The following PRRC2C variants were observed in gnomAD, a reference collection of about 807,000 sequenced individuals.
PRRC2C encodes protein PRRC2C.
In PRRC2C, 72 loss-of-function variants were observed where a neutral mutation model predicts 317.2. That is an observed-to-expected ratio of 0.23 (90% CI 0.19 to 0.28). PRRC2C has a LOEUF of 0.28. Among genes scored for constraint, PRRC2C ranks in the 10% least tolerant of loss-of-function variants. The pLI, the probability that PRRC2C is intolerant of heterozygous loss-of-function variation, is 1.00. For synonymous variants in PRRC2C, 1,296 were observed against 1,205.9 expected, an observed-to-expected ratio of 1.07 and a Z score of -1.55; for missense variants, 3,074 against 3,459.7, an observed-to-expected ratio of 0.89 and a Z score of 2.80.
intron 4 of PRRC2C, among the ~76,000 whole-genome samples, chr1:171,515,021 A>T (rs2102274959): frequency 6.6e-6 from 1 of 152,344 alleles, no homozygotes; most frequent in Non-Finnish European, 1.5e-5. Context: ...ACATGCTGCC[A>T]CGATTCCTGA....
In PRRC2C at chr1:171,593,123, T is replaced by C. The variant is rs1651732636; in HGVS notation, c.*1276T>C. Reference sequence around the variant, plus strand: ...TGCAATTTTCTGGGGTTTTGTTTTTTACCTTTTTCCCCCCTTTTTTTTAAA... The same window carrying C: ...TGCAATTTTCTGGGGTTTTGTTTTTCACCTTTTTCCCCCCTTTTTTTTAAA... On this transcript the variant is annotated 3_prime_UTR_variant, in exon 35 of 35. Transcript: ENST00000647382. 1 of 152,130 alleles carries C rather than the reference T, an allele frequency of 6.6e-6. No homozygotes were observed. The highest frequency in any genetic ancestry group is 6.5e-5 in the Admixed American group (1 of 15,282). 9.4% of individuals were successfully genotyped at this position (152,130 alleles called of 1,614,324 possible). A position where few individuals can be genotyped will look rare whatever the true frequency, so the allele number is the denominator to read the frequency against.
chr1:171,491,942 A>C (rs1279886580), intron 1 of PRRC2C, among the ~76,000 whole-genome samples: 3 of 152,180 alleles, frequency 2.0e-5, no homozygotes, highest in Admixed American at 6.5e-5. Context: ...AAAGCTATAT[A>C]AATTTTATAG....
In PRRC2C at chr1:171,523,229, G is replaced by A. The variant is rs756768130; in HGVS notation, c.842G>A (p.Arg281Gln). 29 of 1,610,566 alleles carry A rather than the reference G, an allele frequency of 1.8e-5. No individual in the cohort carries two copies. Among genetic ancestry groups the A allele is most frequent in the Non-Finnish European group, 2.5e-5 (29 of 1,178,588 alleles). Reference sequence around the variant, plus strand: ...GACCTGCCTTTCATTAGAGGCCTTCGAGGAAGAGGCCCACCTCCTTCATGG... The same window carrying A: ...GACCTGCCTTTCATTAGAGGCCTTCAAGGAAGAGGCCCACCTCCTTCATGG... Reference protein sequence around the residue: ...PSLSETNKGLRGRGPPPSWAS... With the variant: ...PSLSETNKGLQGRGPPPSWAS... Residue 281 changes from arginine to glutamine, a missense_variant, in exon 8 of 35, where the codon CGA becomes CAA. Arg to Gln is a conservative substitution (Grantham distance 43). Transcript: ENST00000647382.
At chr1:171,514,438 T>A in intron 3 of PRRC2C, 98 bp from the exon 4 acceptor site, 1 of 903,128 alleles carries the variant, frequency 1.1e-6, no homozygotes, top group Non-Finnish European at 1.6e-6. Context: ...AATAAACATA[T>A]AGCCAAAATA....
chr1:171,542,784 G>A (rs1678195855), intron 16 of PRRC2C, among the ~76,000 whole-genome samples: 1 of 151,800 alleles, frequency 6.6e-6, no homozygotes, highest in South Asian at 2.1e-4. Context: ...TTGTTGAGAT[G>A]GAGTCTCGCC....
At chr1:171,495,508 C>CCACAT (rs1379192718) in intron 1 of PRRC2C, among the ~76,000 whole-genome samples, 1 of 152,170 alleles carries the variant, frequency 6.6e-6, no homozygotes, top group Non-Finnish European at 1.5e-5. Flanking sequence ...TTCATATTGA[C>CCACAT]CACATTCTTT....
chr1:171,586,507 A>G (rs1314391222), intron 30 of PRRC2C, among the ~76,000 whole-genome samples: 3 of 151,706 alleles, frequency 2.0e-5, no homozygotes, highest in Non-Finnish European at 4.4e-5. Flanking sequence ...AGCAAAAGAA[A>G]TATGTGAAAT....
At chr1:171,553,948 T>C (rs1680822173) in intron 18 of PRRC2C, among the ~76,000 whole-genome samples, 1 of 152,184 alleles carries the variant, frequency 6.6e-6, no homozygotes, top group Admixed American at 6.5e-5. Flanking sequence ...ATTCTGTTGA[T>C]TTGGGGTGGA....
intron 15 of PRRC2C, among the ~76,000 whole-genome samples, chr1:171,537,993 C>T (rs1293506226): frequency 3.3e-5 from 5 of 152,182 alleles, no homozygotes; most frequent in Non-Finnish European, 5.9e-5. Context: ...CTCTGCCTCC[C>T]GGGTTCACAC....
rs1255399154 is a variant in PRRC2C at position 171,571,375 on chromosome 1, C to G, written c.6707C>G (p.Ser2236Cys). Residue 2236 changes from serine to cysteine, a missense_variant, in exon 24 of 35, where the codon TCC becomes TGC. Ser to Cys is a moderately radical substitution (Grantham distance 112, BLOSUM62 -1). Around this residue, in one of 11 missense-constraint regions of PRRC2C, gnomAD observed 640 missense variants for 676.1 expected, o/e 0.95. Coordinates refer to ENST00000647382, the MANE Select transcript of PRRC2C (RefSeq NM_001387844.1). ...AAGAGGGAGACTATACAACAGAGCT[C>G]CAGCCTAACTTCAGTTCCTCCCACT... ...LPKRETIQQS[S>C]SLTSVPPTTF... The G allele has an allele frequency of 6.2e-7, 1 of 1,612,926 alleles. No individual in the cohort carries two copies. The highest frequency in any genetic ancestry group is 8.5e-7 in the Non-Finnish European group (1 of 1,179,060).
In PRRC2C at chr1:171,565,695, C is replaced by T. The variant is rs148595745; in HGVS notation, c.6118-538C>T. Among the ~76,000 whole-genome samples, 338 of 152,312 alleles carry T rather than the reference C, an allele frequency of 2.2e-3. 1 individual carries two copies. Among genetic ancestry groups the T allele is most frequent in the African/African-American group, 7.9e-3 (327 of 41,564 alleles). On this transcript the variant is annotated intron_variant, in intron 20 of 34. Transcript: ENST00000647382. ...ACTCCTGACCTCATCATCCGCCCAC[C>T]TAGGCCTCCCAGAGTGCTGGGATTA...
chr1:171,516,531 G>A (rs1286427600), intron 5 of PRRC2C, among the ~76,000 whole-genome samples: 1 of 152,122 alleles, frequency 6.6e-6, no homozygotes, highest in Non-Finnish European at 1.5e-5. Context: ...GTCATAATGT[G>A]GTTGGTGCAT....
At chr1:171,524,789 CA>C (rs1674270457) in intron 9 of PRRC2C, 31 bp from the exon 10 acceptor site, 1 of 1,514,310 alleles carries the variant, frequency 6.6e-7, no homozygotes, top group Admixed American at 2.4e-5. Flanking sequence ...ACAGTTGGTC[CA>C]CTTTATTTCT....
intron 12 of PRRC2C, among the ~76,000 whole-genome samples, chr1:171,533,615 T>TGTG (rs1382281174): frequency 6.6e-6 from 1 of 152,110 alleles, no homozygotes; most frequent in Non-Finnish European, 1.5e-5. Flanking sequence ...TTGTTGTTGT[T>TGTG]GTGGTGGTGG....
At chr1:171,562,040 C>T (rs527831775) in intron 20 of PRRC2C, among the ~76,000 whole-genome samples, 11 of 152,172 alleles carry the variant, frequency 7.2e-5, no homozygotes, top group African/African-American at 2.7e-4. Flanking sequence ...TGGAGAAAAA[C>T]GAAGCAGGAA....
At chr1:171,532,011 T>G (rs1227974560) in intron 11 of PRRC2C, among the ~76,000 whole-genome samples, 2 of 152,212 alleles carry the variant, frequency 1.3e-5, no homozygotes, top group African/African-American at 2.4e-5. Context: ...AAAGTATCCA[T>G]GCTAAATTTC....
Position 171,530,585 on chromosome 1 carries a change from C to CAAT in PRRC2C, c.1255-1753_1255-1751dup, listed in dbSNP as rs925188138. The stretch of plus-strand genomic sequence containing the variant: ...ATTTTTTTTTTAATATCTTACAACT[C>CAAT]AATAATACGTAGTTAAACAAAAAGA... On this transcript the variant is annotated intron_variant, in intron 11 of 34. Transcript: ENST00000647382. Among the ~76,000 whole-genome samples, 4 of 151,852 alleles carry CAAT rather than the reference C, an allele frequency of 2.6e-5. 1 individual carries two copies. Among genetic ancestry groups the CAAT allele is most frequent in the African/African-American group, 9.7e-5 (4 of 41,416 alleles).
chr1:171,540,134 G>T lies in PRRC2C; in HGVS notation c.2668G>T (p.Asp890Tyr). ...GGAAGATGTTAGACCTCACCATACT[G>T]ATGCAAATAATCAGTCTGCTTGTTT... is the stretch of plus-strand genomic sequence containing the variant. The part of the protein sequence containing the change: ...SVEDVRPHHT[D>Y]ANNQSACFEA... The change falls in exon 16 of 35, where the codon GAT (aspartate) becomes TAT (tyrosine). Residue 890 changes from aspartate to tyrosine, a missense_variant. Asp to Tyr is a radical substitution (Grantham distance 160). Coordinates refer to ENST00000647382, the MANE Select transcript of PRRC2C (RefSeq NM_001387844.1). 1 of 1,613,930 alleles carries T rather than the reference G, an allele frequency of 6.2e-7. No individual in the cohort carries two copies. The highest frequency in any genetic ancestry group is 8.5e-7 in the Non-Finnish European group (1 of 1,179,882).
intron 18 of PRRC2C, among the ~76,000 whole-genome samples, chr1:171,552,924 C>T (rs573496319): frequency 1.1e-4 from 16 of 152,174 alleles, no homozygotes; most frequent in Middle Eastern, 6.8e-3. Flanking sequence ...CTAAAATTCT[C>T]TATTTTCATT....
Sources: gnomAD v4.1 joint callset for allele counts (sites outside exome capture counted in the v4.1 genomes callset) on GRCh38, gnomAD v4.1.1 for gene constraint, gnomAD v4.1.1 regional missense constraint, MANE v1.5 for transcripts, NCBI Gene and HGNC (gene_info 2026-07-23, HGNC 2026-07-21) for gene names.